The following U2AF1L4 variants were observed in gnomAD, a reference collection of about 807,000 sequenced individuals.
U2AF1L4 encodes U2 small nuclear RNA auxiliary factor 1 like 4.
U2AF1L4 carries 21 observed loss-of-function variants against 21.7 expected under a neutral mutation model. That is an observed-to-expected ratio of 0.97 (90% CI 0.69 to 1.39). The LOEUF (loss-of-function observed/expected upper bound fraction) is 1.39, where lower values mean the gene tolerates loss of function less well. Ranked by LOEUF, U2AF1L4 falls within the 40% of genes most tolerant of loss-of-function variation. U2AF1L4 has a pLI of 0.00. For missense variants in U2AF1L4, 259 were observed against 245.7 expected (o/e 1.05, Z -0.36); for synonymous variants, 92 against 89.7 (o/e 1.03, Z -0.15).
intron 5 of U2AF1L4, 46 bp downstream of exon 5, chr19:35,743,763 G>A: frequency 6.6e-7 from 1 of 1,515,984 alleles, no homozygotes; most frequent in African/African-American, 1.4e-5. Context: ...TGAGGATATA[G>A]GGGCCTTAGG....
chr19:35,744,880 T>C (rs1970493817), intron 2 of U2AF1L4: 3 of 757,240 alleles, frequency 4.0e-6, no homozygotes, highest in South Asian at 1.7e-5. Context: ...AACAGCGGGA[T>C]GGAAGGGACT....
chr19:35,743,600 T>C (rs1430997495), intron 5 of U2AF1L4: 29 of 589,864 alleles, frequency 4.9e-5, no homozygotes, highest in Admixed American at 2.3e-4. Context: ...AGGCAGAGAA[T>C]TGCTTGAACC....
chr19:35,743,373 C>CAAAAAAA (rs536755635), intron 5 of U2AF1L4: 9 of 78,292 alleles, frequency 1.1e-4, no homozygotes, highest in Admixed American at 2.0e-4. Flanking sequence ...AACTCCGTCT[C>CAAAAAAA]AAAAAAAAAA....
At chr19:35,744,779 A>G in intron 2 of U2AF1L4, 1 of 1,454,266 alleles carries the variant, frequency 6.9e-7, no homozygotes, top group South Asian at 1.2e-5. Flanking sequence ...TGGGGGTGGA[A>G]CCTTACACCC....
intron 5 of U2AF1L4, chr19:35,743,026 G>C: frequency 3.3e-6 from 2 of 601,680 alleles, no homozygotes; most frequent in South Asian, 2.1e-5. Flanking sequence ...TTGGGGATTG[G>C]GACTTAGGTA....
At chr19:35,743,960 G>T in intron 4 of U2AF1L4, 52 bp downstream of exon 4, 1 of 1,608,482 alleles carries the variant, frequency 6.2e-7, no homozygotes, top group Non-Finnish European at 8.5e-7. Flanking sequence ...CCCCTACCAC[G>T]CATTCAAAGT....
rs751298555 is a variant in U2AF1L4 at position 35,744,068 on chromosome 19, A to T, written c.309T>A (p.Gly103=). The change falls in exon 4 of 6, where the codon GGT becomes GGA. Residue 103 remains glycine (G), a synonymous_variant. Coordinates refer to ENST00000378975, the MANE Select transcript of U2AF1L4 (RefSeq NM_001040425.3). ...NRWFNGQAVH[G]ELSPVTDFRE... ...GGAAGTCAGTGACAGGAGACAGCTCACCGTGCACAGCCTGCCCGTTGAACC... is the reference window on the plus strand; with the variant it reads ...GGAAGTCAGTGACAGGAGACAGCTCTCCGTGCACAGCCTGCCCGTTGAACC... 2 of 1,613,970 alleles carry T rather than the reference A, an allele frequency of 1.2e-6. No individual in the cohort carries two copies. Among genetic ancestry groups the T allele is most frequent in the Non-Finnish European group, 1.7e-6 (2 of 1,180,014 alleles).
rs187720109 is a variant in U2AF1L4 at position 35,742,788 on chromosome 19, G to T, written c.477C>A (p.Phe159Leu). The T allele has an allele frequency of 1.9e-6, 3 of 1,610,978 alleles. No individual in the cohort carries two copies. The highest frequency in any genetic ancestry group is 2.5e-6 in the Non-Finnish European group (3 of 1,179,658). Residue 159 changes from phenylalanine (F) to leucine (L), a missense_variant, in exon 6 of 6, where the codon TTC becomes TTA. Phe to Leu is a conservative substitution (Grantham distance 22). Coordinates refer to ENST00000378975, the MANE Select transcript of U2AF1L4 (RefSeq NM_001040425.3). Reference sequence around the variant, plus strand: ...TCTCTCGGGGATGGTGGCCAGTATGGAACCTCGGGGGTGACCTGGGAATAG... The same window carrying T: ...TCTCTCGGGGATGGTGGCCAGTATGTAACCTCGGGGGTGACCTGGGAATAG... ...RGPRRRSPPR[F>L]HTGHHPRERN...
At chr19:35,743,297 T>G in intron 5 of U2AF1L4, 1 of 236,340 alleles carries the variant, frequency 4.2e-6, no homozygotes, top group Non-Finnish European at 7.9e-6. Flanking sequence ...TGCTTGAACC[T>G]GGGAGGCAGA....
At chr19:35,744,855 G>A (rs1970492233) in intron 2 of U2AF1L4, 1 of 838,634 alleles carries the variant, frequency 1.2e-6, no homozygotes, top group South Asian at 1.6e-5. Context: ...GGGATGGAGG[G>A]GACTGGCAAG....
At position 35,743,840 on chromosome 19, in the gene U2AF1L4, T is replaced by C. The variant is rs1360992903; in HGVS notation, c.430A>G (p.Arg144Gly). The C allele has an allele frequency of 1.2e-6, 2 of 1,613,154 alleles. No homozygotes were observed. The highest frequency in any genetic ancestry group is 1.7e-6 in the Non-Finnish European group (2 of 1,179,618). Residue 144 changes from arginine to glycine, a missense_variant, in exon 5 of 6, where the codon AGG (arginine) becomes GGG (glycine). Arg to Gly is a moderately radical substitution (Grantham distance 125). Coordinates refer to ENST00000378975, the MANE Select transcript of U2AF1L4 (RefSeq NM_001040425.3). ...CTGGGTCCCCGCCCATAGAGCTGCC[T>C]CTGGAGGTTCTGGGAAATGGGCCGC... ...HLRPISQNLQRQLYGRGPRRR... is the reference protein window; with the variant it reads ...HLRPISQNLQGQLYGRGPRRR...
Position 35,745,201 on chromosome 19 carries a change from G to C in U2AF1L4, c.56C>G (p.Ser19Cys), listed in dbSNP as rs769130329. The C allele has an allele frequency of 1.9e-5, 31 of 1,613,642 alleles. No homozygotes were observed. Among genetic ancestry groups the C allele is most frequent in the Non-Finnish European group, 2.4e-5 (28 of 1,180,026 alleles). ...FGTEKDKVNC[S>C]FYFKIGVCRH... is the part of the protein sequence containing the mutation. ...GCAGACCCCGATCTTAAAGTAAAAAGAGCAGTTAACCCTGGAAAAGGTGCA... is the reference window on the plus strand; with the variant it reads ...GCAGACCCCGATCTTAAAGTAAAAACAGCAGTTAACCCTGGAAAAGGTGCA... The change falls in exon 2 of 6, where the codon TCT (serine) becomes TGT (cysteine). Residue 19 changes from serine (S) to cysteine (C), a missense_variant. Ser to Cys is a moderately radical substitution (Grantham distance 112). Transcript: ENST00000378975.
At chr19:35,744,208 C>A (rs1036391734) in intron 3 of U2AF1L4, 63 bp from the exon 4 acceptor site, 250 of 1,605,430 alleles carry the variant, frequency 1.6e-4, no homozygotes, top group Non-Finnish European at 3.2e-5. Flanking sequence ...ACTCACTACC[C>A]GCTCTGGGGC....
Position 35,745,388 on chromosome 19 carries a change from C to A in U2AF1L4, c.4G>T (p.Ala2Ser), listed in dbSNP as rs1385656029. 6.2e-7 allele frequency: 1 copy of A among 1,614,062 alleles called. No individual in the cohort carries two copies. Among genetic ancestry groups the A allele is most frequent in the East Asian group, 2.2e-5 (1 of 44,876 alleles). ...CCGAATATCGAAGCTAAATATTCAG[C>A]CATTTTTACCCAAGCCCTCCAGGTC... M[A>S]EYLASIFGTE... The change falls in exon 1 of 6, where the codon GCT becomes TCT. Residue 2 changes from alanine to serine, a missense_variant. By Grantham distance (99) the Ala-to-Ser change is moderately conservative. Coordinates refer to ENST00000378975, the MANE Select transcript of U2AF1L4 (RefSeq NM_001040425.3).
intron 3 of U2AF1L4, 45 bp downstream of exon 3, chr19:35,744,267 CCATCAGGCATT>C (rs1364353512): frequency 1.2e-5 from 20 of 1,609,324 alleles, no homozygotes; most frequent in Non-Finnish European, 1.7e-5. Context: ...ACAGTGGCCA[CCATCAGGCATT>C]GAAACGCCTC....
chr19:35,744,326 G>C lies in U2AF1L4; in HGVS notation c.228C>G (p.Val76=). 6.2e-7 allele frequency: 1 copy of C among 1,614,094 alleles called. No homozygotes were observed. Among genetic ancestry groups the C allele is most frequent in the Non-Finnish European group, 8.5e-7 (1 of 1,180,008 alleles). The change falls in exon 3 of 6, where the codon GTC becomes GTG. Residue 76 remains valine (V), a synonymous_variant. Coordinates refer to ENST00000378975, the MANE Select transcript of U2AF1L4 (RefSeq NM_001040425.3). ...LGDHLVGNVY[V]KFRREEDGER... Reference sequence around the variant, plus strand: ...CTAAGTGGGGGGCAGCAAGCACCTTGACATAGACGTTGCCCACGAGGTGGT... The same window carrying C: ...CTAAGTGGGGGGCAGCAAGCACCTTCACATAGACGTTGCCCACGAGGTGGT...
rs138409867 is a variant in U2AF1L4 at position 35,744,035 on chromosome 19, T to G, written c.342A>C (p.Ser114=). 8 of 1,614,068 alleles carry G rather than the reference T, an allele frequency of 5.0e-6. No individual in the cohort carries two copies. Among genetic ancestry groups the G allele is most frequent in the Non-Finnish European group, 6.8e-6 (8 of 1,180,026 alleles). ...ACCCCATCTCATACTGGCGACAGCA[T>G]GACTCCCGGAAGTCAGTGACAGGAG... ...ELSPVTDFRE[S]CCRQYEMGEC... The change falls in exon 4 of 6, where the codon TCA becomes TCC. Residue 114 remains serine, a synonymous_variant. Coordinates refer to ENST00000378975, the MANE Select transcript of U2AF1L4 (RefSeq NM_001040425.3).
At chr19:35,742,464 C>T (rs774241087), downstream of U2AF1L4, 92 of 1,545,610 alleles carry the variant, frequency 6.0e-5, 4 homozygotes, top group South Asian at 1.0e-3. Flanking sequence ...AGGACCCAGT[C>T]TTGTTTCCCC....
rs751446852 is a variant in U2AF1L4, at chr19:35,745,412, T to C, written c.-21A>G. ...GCCATTTTTACCCAAGCCCTCCAGG[T>C]CTGGCTGCTCTTACGTCACTTCCGT... is the stretch of plus-strand genomic sequence containing the variant. On this transcript the variant is annotated 5_prime_UTR_variant, in exon 1 of 6. Transcript: ENST00000378975. 4.5e-5 allele frequency: 72 copies of C among 1,614,000 alleles called. No homozygotes were observed. The highest frequency in any genetic ancestry group is 6.0e-5 in the Non-Finnish European group (71 of 1,180,014).
Sources: gnomAD v4.1 joint callset for allele counts on GRCh38, gnomAD v4.1.1 for gene constraint, MANE v1.5 for transcripts, NCBI Gene and HGNC (gene_info 2026-07-23, HGNC 2026-07-21) for gene names.